SULF1: variants seen among roughly 807,000 people sequenced by gnomAD.
The protein encoded by SULF1 is sulfatase 1.
SULF1 carries 46 observed loss-of-function variants against 110.5 expected under a neutral mutation model. That is an observed-to-expected ratio of 0.42 (90% CI 0.33 to 0.53). The LOEUF is 0.53. SULF1 is among the 20% of genes least tolerant of loss of function. The pLI, the probability that SULF1 is intolerant of heterozygous loss-of-function variation, is 0.12. For synonymous variants in SULF1, 371 were observed against 387.1 expected, an observed-to-expected ratio of 0.96 and a Z score of 0.49; for missense variants, 941 against 1,094.2, an observed-to-expected ratio of 0.86 and a Z score of 1.98.
chr8:69,574,979 C>G (rs7836658), intron 5 of SULF1, among the ~76,000 whole-genome samples: 2,288 of 152,260 alleles, frequency 0.015, 49 homozygotes, highest in African/African-American at 0.052. Flanking sequence ...CGATTTCCTT[C>G]CTTGCTGGAA....
intron 1 of SULF1, among the ~76,000 whole-genome samples, chr8:69,485,624 G>C (rs1680353478): frequency 1.3e-5 from 2 of 152,122 alleles, no homozygotes; most frequent in Non-Finnish European, 2.9e-5. Flanking sequence ...ATCCTTATCA[G>C]CATCTCACAC....
intron 3 of SULF1, among the ~76,000 whole-genome samples, chr8:69,503,699 G>A (rs914518629): frequency 1.3e-5 from 2 of 152,098 alleles, no homozygotes; most frequent in African/African-American, 4.8e-5. Flanking sequence ...TACTACAAGA[G>A]CACCCTTCAT....
intron 3 of SULF1, among the ~76,000 whole-genome samples, chr8:69,541,832 T>G (rs1348301750): frequency 6.6e-6 from 1 of 152,208 alleles, no homozygotes; most frequent in Admixed American, 6.5e-5. Flanking sequence ...AAACTTAACT[T>G]CTTAATTAAA....
chr8:69,602,137 G>C (rs1400719997), intron 10 of SULF1, among the ~76,000 whole-genome samples: 1 of 151,884 alleles, frequency 6.6e-6, no homozygotes, highest in African/African-American at 2.4e-5. Flanking sequence ...ACCCTTCTTT[G>C]AATCAGAGAT....
chr8:69,630,647 C>T (rs755523894), intron 19 of SULF1, among the ~76,000 whole-genome samples: 2 of 152,148 alleles, frequency 1.3e-5, no homozygotes, highest in African/African-American at 4.8e-5. Context: ...GTGTGGGAAT[C>T]CCTGAGGGTT....
intron 3 of SULF1, among the ~76,000 whole-genome samples, chr8:69,516,225 A>T (rs1021060950): frequency 6.6e-6 from 1 of 152,182 alleles, no homozygotes; most frequent in Admixed American, 6.5e-5. Flanking sequence ...AAGAGATTTA[A>T]TTGGCTCACA....
chr8:69,566,114 C>G (rs1329485558), intron 5 of SULF1, among the ~76,000 whole-genome samples: 7 of 151,504 alleles, frequency 4.6e-5, no homozygotes, highest in Non-Finnish European at 1.0e-4. Flanking sequence ...CCATGCCTGT[C>G]CCTTCCACTT....
intron 1 of SULF1, among the ~76,000 whole-genome samples, chr8:69,474,671 T>A (rs991414640): frequency 5.9e-5 from 9 of 152,204 alleles, no homozygotes; most frequent in African/African-American, 2.2e-4. Flanking sequence ...CCTAGAGGCT[T>A]TACATGTGTT....
chr8:69,518,312 A>G (rs951956214), intron 3 of SULF1, among the ~76,000 whole-genome samples: 2 of 152,106 alleles, frequency 1.3e-5, no homozygotes, highest in Non-Finnish European at 2.9e-5. Context: ...AATATGCTCG[A>G]GCATATTTGT....
intron 1 of SULF1, among the ~76,000 whole-genome samples, chr8:69,472,830 A>C (rs1809141304): frequency 1.3e-5 from 2 of 152,010 alleles, no homozygotes. Flanking sequence ...TAAACTTTTT[A>C]AATTTTAATT....
At chr8:69,658,054 C>T (rs1433857189) in intron 22 of SULF1, among the ~76,000 whole-genome samples, 2 of 152,134 alleles carry the variant, frequency 1.3e-5, no homozygotes, top group Non-Finnish European at 2.9e-5. Context: ...CTAAGCATTG[C>T]CTATTACATT....
At chr8:69,575,725 AT>A (rs112972904) in intron 5 of SULF1, among the ~76,000 whole-genome samples, 8 of 149,952 alleles carry the variant, frequency 5.3e-5, no homozygotes, top group Admixed American at 2.0e-4. Flanking sequence ...ATTAGCCTGC[AT>A]TTTTTTTTCT....
In SULF1 at chr8:69,604,877, T is replaced by C. The variant is rs1808112649; in HGVS notation, c.1322T>C (p.Val441Ala). 2 of 1,614,070 alleles carry C rather than the reference T, an allele frequency of 1.2e-6. No homozygotes were observed. The highest frequency in any genetic ancestry group is 2.2e-5 in the East Asian group (1 of 44,876). The change falls in exon 13 of 23, where the codon GTC becomes GCC. Residue 441 changes from valine (V) to alanine (A), a missense_variant. By Grantham distance (64) the Val-to-Ala change is moderately conservative. This residue lies in a region of SULF1 where 822 missense variants were observed against 934.3 expected (regional missense o/e 0.88). Coordinates refer to ENST00000402687, the MANE Select transcript of SULF1 (RefSeq NM_001128205.2). ...AATCACTTGCCCAAATATGAACGGGTCAAAGAACTATGCCAGCAGGCCAGG... is the reference window on the plus strand; with the variant it reads ...AATCACTTGCCCAAATATGAACGGGCCAAAGAACTATGCCAGCAGGCCAGG... ...QSNHLPKYERVKELCQQARYQ... is the reference protein window; with the variant it reads ...QSNHLPKYERAKELCQQARYQ...
chr8:69,470,212 A>G (rs930458125), intron 1 of SULF1, among the ~76,000 whole-genome samples: 4 of 152,166 alleles, frequency 2.6e-5, no homozygotes, highest in African/African-American at 7.2e-5. Flanking sequence ...AGTAAATTTA[A>G]GGGGATTAAA....
chr8:69,474,150 A>C (rs1809204816), intron 1 of SULF1, among the ~76,000 whole-genome samples: 1 of 152,194 alleles, frequency 6.6e-6, no homozygotes, highest in Non-Finnish European at 1.5e-5. Flanking sequence ...TACAGGCATA[A>C]TCTGCTATAT....
At chr8:69,527,932 A>G (rs967693270) in intron 3 of SULF1, among the ~76,000 whole-genome samples, 2 of 152,182 alleles carry the variant, frequency 1.3e-5, no homozygotes, top group African/African-American at 4.8e-5. Flanking sequence ...GAAGAGTTTG[A>G]CTAAAAATTG....
chr8:69,557,343 C>A (rs1037193892), intron 3 of SULF1, among the ~76,000 whole-genome samples: 1 of 152,210 alleles, frequency 6.6e-6, no homozygotes, highest in Non-Finnish European at 1.5e-5. Flanking sequence ...TTCATAATAT[C>A]TAGATCACTT....
intron 3 of SULF1, among the ~76,000 whole-genome samples, chr8:69,515,633 A>T (rs1811876348): frequency 6.6e-6 from 1 of 152,182 alleles, no homozygotes; most frequent in African/African-American, 2.4e-5. Flanking sequence ...TTTCTACCAC[A>T]TGGTCAGACT....
At chr8:69,472,617 G>C (rs192361778) in intron 1 of SULF1, among the ~76,000 whole-genome samples, 1 of 152,198 alleles carries the variant, frequency 6.6e-6, no homozygotes, top group South Asian at 2.1e-4. Context: ...CAGCCAGGGA[G>C]AGGAAAGAAA....
Sources: gnomAD v4.1 joint callset for allele counts (sites outside exome capture counted in the v4.1 genomes callset) on GRCh38, gnomAD v4.1.1 for gene constraint, gnomAD v4.1.1 regional missense constraint, MANE v1.5 for transcripts, NCBI Gene and HGNC (gene_info 2026-07-23, HGNC 2026-07-21) for gene names.